Variants in PPFIBP1 observed in about 807,000 individuals in gnomAD.
PPFIBP1 encodes the protein liprin-beta-1.
A neutral mutation model predicts 137.8 loss-of-function variants in PPFIBP1; 112 were observed. The ratio of observed to expected loss-of-function variants is 0.81; its 90% CI spans 0.70 to 0.95. The LOEUF (loss-of-function observed/expected upper bound fraction) is 0.95, where lower values mean the gene tolerates loss of function less well. PPFIBP1 is among the 40% of genes least tolerant of loss of function. PPFIBP1 has a pLI of 0.00. For missense variants in PPFIBP1, 1,083 were observed against 1,196.6 expected (o/e 0.91, Z 1.40); for synonymous variants, 378 against 417.3 (o/e 0.91, Z 1.15).
At position 27,689,166 on chromosome 12, in the gene PPFIBP1, C is replaced by T. The variant is rs1251136693; in HGVS notation, c.2648C>T (p.Pro883Leu). 1 of 1,590,400 alleles carries T rather than the reference C, an allele frequency of 6.3e-7. No homozygotes were observed. The highest frequency in any genetic ancestry group is 8.5e-7 in the Non-Finnish European group (1 of 1,173,014). The change falls in exon 27 of 30, where the codon CCG becomes CTG. Residue 883 changes from proline to leucine, a missense_variant. By Grantham distance (98) the Pro-to-Leu change is moderately conservative (BLOSUM62 -3). Transcript: ENST00000228425. ...CAGAAGCGAGATGCCATGGAGCTGC[C>T]GGATTATGTACTTCTAACAGCTACT... ...QHQKRDAMEL[P>L]DYVLLTATAK...
At chr12:27,655,973 G>A (rs2059172230) in intron 8 of PPFIBP1, among the ~76,000 whole-genome samples, 1 of 152,210 alleles carries the variant, frequency 6.6e-6, no homozygotes, top group Non-Finnish European at 1.5e-5. Context: ...TAGAAGGATG[G>A]ACTTGAAATC....
At chr12:27,622,742 C>G (rs1258360371) in intron 2 of PPFIBP1, among the ~76,000 whole-genome samples, 2 of 152,278 alleles carry the variant, frequency 1.3e-5, no homozygotes, top group Non-Finnish European at 2.9e-5. Context: ...GCATAGGAGG[C>G]CCTCAATCAA....
chr12:27,544,327 A>G (rs1008075047), intron 1 of PPFIBP1, among the ~76,000 whole-genome samples: 1 of 152,210 alleles, frequency 6.6e-6, no homozygotes, highest in Non-Finnish European at 1.5e-5. Context: ...ATGCCTAGTG[A>G]TGGGCAAAGA....
Position 27,604,635 on chromosome 12 carries a change from C to T in PPFIBP1, c.-36+26396C>T, listed in dbSNP as rs190093483. Among the ~76,000 whole-genome samples, 151 of 152,352 alleles carry T rather than the reference C, an allele frequency of 9.9e-4. 1 individual carries two copies. Among genetic ancestry groups the T allele is most frequent in the Admixed American group, 4.8e-3 (73 of 15,308 alleles). Reference sequence around the variant, plus strand: ...AAGCTATGGGAGGCTCCCTGCCTCTCGCATGGATCTCCCAGAGCATCTGTG... The same window carrying T: ...AAGCTATGGGAGGCTCCCTGCCTCTTGCATGGATCTCCCAGAGCATCTGTG... On this transcript the variant is annotated intron_variant, in intron 2 of 29. Coordinates refer to ENST00000228425, the MANE Select transcript of PPFIBP1 (RefSeq NM_003622.4).
intron 4 of PPFIBP1, among the ~76,000 whole-genome samples, chr12:27,643,069 G>C (rs927453599): frequency 6.6e-6 from 1 of 151,524 alleles, no homozygotes; most frequent in African/African-American, 2.4e-5. Context: ...TGGTTAGAGC[G>C]TGGTGCTGAC....
intron 13 of PPFIBP1, among the ~76,000 whole-genome samples, chr12:27,667,736 C>T (rs2059945969): frequency 6.6e-6 from 1 of 152,180 alleles, no homozygotes; most frequent in South Asian, 2.1e-4. Context: ...GCTGGAGTGG[C>T]GTGAAGGCCT....
intron 2 of PPFIBP1, among the ~76,000 whole-genome samples, chr12:27,589,520 T>TTA (rs968858226): frequency 1.2e-4 from 18 of 152,220 alleles, no homozygotes; most frequent in Non-Finnish European, 1.5e-5. Context: ...TGCTTTCTAA[T>TTA]ATATAGCATG....
rs563114033 is a variant in PPFIBP1, at chr12:27,641,988, G to T, written c.271-4074G>T. Reference sequence around the variant, plus strand: ...AAATAAATAAATAAATAAATAGAAGGCTTTCCACTTAGATGGTGAAGGGAA... The same window carrying T: ...AAATAAATAAATAAATAAATAGAAGTCTTTCCACTTAGATGGTGAAGGGAA... On this transcript the variant is annotated intron_variant, in intron 4 of 29. Coordinates refer to ENST00000228425, the MANE Select transcript of PPFIBP1 (RefSeq NM_003622.4). 5.7e-5 allele frequency among the ~76,000 whole-genome samples: 6 copies of T among 104,682 alleles called. No homozygotes were observed. The South Asian group carries it at 1.2e-3, about 21-fold the overall frequency. The allele number at this position is 104,682 out of a possible 152,430, so 68.7% of individuals were successfully genotyped here. A position where few individuals can be genotyped will look rare whatever the true frequency, so the allele number is the denominator to read the frequency against.
intron 2 of PPFIBP1, among the ~76,000 whole-genome samples, chr12:27,627,053 A>C (rs2056878146): frequency 6.6e-6 from 1 of 152,208 alleles, no homozygotes. Context: ...TAATAATCAC[A>C]TCAGGGTAAA....
At chr12:27,633,835 CTTT>C (rs56705005) in intron 3 of PPFIBP1, among the ~76,000 whole-genome samples, 13 of 112,980 alleles carry the variant, frequency 1.2e-4, no homozygotes, top group Admixed American at 5.8e-4. Context: ...ACTCCCGTAT[CTTT>C]TTTTTTTTTT....
intron 1 of PPFIBP1, among the ~76,000 whole-genome samples, chr12:27,536,651 T>C (rs898988389): frequency 6.6e-6 from 1 of 152,218 alleles, no homozygotes; most frequent in African/African-American, 2.4e-5. Context: ...CATTTCAACA[T>C]GCGATTTGGA....
At chr12:27,562,381 A>C (rs2049238928) in intron 1 of PPFIBP1, among the ~76,000 whole-genome samples, 1 of 152,250 alleles carries the variant, frequency 6.6e-6, no homozygotes, top group Non-Finnish European at 1.5e-5. Context: ...GCATTATATC[A>C]GGACTAATAT....
At chr12:27,551,499 A>G (rs765348572) in intron 1 of PPFIBP1, among the ~76,000 whole-genome samples, 11 of 152,228 alleles carry the variant, frequency 7.2e-5, no homozygotes, top group Non-Finnish European at 1.2e-4. Context: ...TAAATTAGAC[A>G]GTTGCTGAGA....
At chr12:27,530,780 AG>A (rs1944330370) in intron 1 of PPFIBP1, among the ~76,000 whole-genome samples, 1 of 152,216 alleles carries the variant, frequency 6.6e-6, no homozygotes, top group Non-Finnish European at 1.5e-5. Flanking sequence ...AGCTCTTAAA[AG>A]GGGAAGCCTC....
intron 2 of PPFIBP1, among the ~76,000 whole-genome samples, chr12:27,587,347 C>T (rs973797362): frequency 3.3e-5 from 5 of 151,992 alleles, no homozygotes; most frequent in Non-Finnish European, 7.4e-5. Flanking sequence ...GTTGGCCAGG[C>T]GCAGTGGCTC....
chr12:27,588,898 C>G (rs952328682), intron 2 of PPFIBP1, among the ~76,000 whole-genome samples: 12 of 152,314 alleles, frequency 7.9e-5, no homozygotes, highest in African/African-American at 2.9e-4. Context: ...CTTGGTACTT[C>G]TTGATCTAGA....
intron 2 of PPFIBP1, among the ~76,000 whole-genome samples, chr12:27,622,322 C>A (rs1483984451): frequency 6.6e-6 from 1 of 152,136 alleles, no homozygotes; most frequent in African/African-American, 2.4e-5. Context: ...TTTTGTTTTT[C>A]CATCATGAAT....
intron 2 of PPFIBP1, among the ~76,000 whole-genome samples, chr12:27,606,387 A>G (rs2054526220): frequency 6.6e-6 from 1 of 152,184 alleles, no homozygotes; most frequent in Admixed American, 6.5e-5. Flanking sequence ...AGTAAGTTTA[A>G]CTTTCATCAC....
intron 1 of PPFIBP1, among the ~76,000 whole-genome samples, chr12:27,564,592 C>T (rs996058504): frequency 2.0e-5 from 3 of 152,168 alleles, no homozygotes; most frequent in African/African-American, 4.8e-5. Flanking sequence ...GCTAATTATA[C>T]GTGCTTTCAC....
Sources: allele counts gnomAD v4.1 joint callset (sites outside exome capture counted in the v4.1 genomes callset), GRCh38; gene constraint gnomAD v4.1.1; transcripts MANE v1.5; gene names NCBI Gene and HGNC (gene_info 2026-07-23, HGNC 2026-07-21).